Variants in KAZN observed in about 807,000 individuals in gnomAD.
KAZN encodes kazrin.
KAZN carries 40 observed loss-of-function variants against 87.4 expected under a neutral mutation model. The ratio of observed to expected loss-of-function variants is 0.46; its 90% CI spans 0.36 to 0.60. KAZN has a LOEUF of 0.60. KAZN is among the 20% of genes least tolerant of loss of function. The pLI, the probability that KAZN is intolerant of heterozygous loss-of-function variation, is 0.00. For missense variants in KAZN, 898 were observed against 1,073.9 expected (o/e 0.84, Z 2.29); for synonymous variants, 466 against 458.3 (o/e 1.02, Z -0.22).
chr1:14,346,470 G>A (rs1164407026), intron 2 of KAZN, among the ~76,000 whole-genome samples: 1 of 152,166 alleles, frequency 6.6e-6, no homozygotes, highest in Non-Finnish European at 1.5e-5. Flanking sequence ...CCCTGGGAAA[G>A]CTTGGCAAGA....
chr1:14,527,663 C>T (rs1197695493), intron 2 of KAZN, among the ~76,000 whole-genome samples: 3 of 152,034 alleles, frequency 2.0e-5, no homozygotes, highest in African/African-American at 7.2e-5. Flanking sequence ...CAGCTGCTTC[C>T]ACTTATGGTA....
chr1:14,647,388 T>C (rs1357255585), intron 1 of KAZN, among the ~76,000 whole-genome samples: 1 of 152,214 alleles, frequency 6.6e-6, no homozygotes, highest in Admixed American at 6.5e-5. Flanking sequence ...GTAGTTCATA[T>C]CTTTATTTCT....
At chr1:14,590,278 G>A (rs1676114599) in intron 2 of KAZN, among the ~76,000 whole-genome samples, 1 of 152,100 alleles carries the variant, frequency 6.6e-6, no homozygotes, top group Admixed American at 6.6e-5. Context: ...TGGGTCCCCA[G>A]GGCCTGGAAT....
rs548191041 is a variant in KAZN, at chr1:15,021,120, A to G, written c.419-13629A>G. 1.7e-4 allele frequency among the ~76,000 whole-genome samples: 26 copies of G among 152,248 alleles called. No individual in the cohort carries two copies. The highest frequency in any genetic ancestry group is 1.4e-3 in the Admixed American group (22 of 15,302). ...CACCAAAACCCAGAGAGGGTGCCTG[A>G]GTTCCCAAGGCCACACAGCATGCGG... is the stretch of plus-strand genomic sequence containing the variant. On this transcript the variant is annotated intron_variant, in intron 2 of 14. Coordinates refer to ENST00000376030, the MANE Select transcript of KAZN (RefSeq NM_201628.3). This position sits in a 1 kb window ranked among gnomAD's most constrained non-coding sequence, Gnocchi z 4.2.
Position 15,056,544 on chromosome 1 carries a change from CTG to C in KAZN, c.916+266_916+267del, listed in dbSNP as rs3044315. Among the ~76,000 whole-genome samples, 27,524 of 152,152 alleles carry C rather than the reference CTG, an allele frequency of 0.18. 3,214 individuals carry two copies. The highest frequency in any genetic ancestry group is 0.65 in the East Asian group (3,368 of 5,146). On this transcript the variant is annotated intron_variant, in intron 5 of 14. Coordinates refer to ENST00000376030, the MANE Select transcript of KAZN (RefSeq NM_201628.3). This position sits in a 1 kb window ranked among gnomAD's most constrained non-coding sequence, Gnocchi z 5.4. ...ACCTCCTTTTGGCCTCATCTTCAGG[CTG>C]TCTCTTTCAGCAAGAAAGTAAAATA...
chr1:13,922,764 G>T (rs1640114935), intron 1 of KAZN, among the ~76,000 whole-genome samples: 1 of 152,256 alleles, frequency 6.6e-6, no homozygotes, highest in South Asian at 2.1e-4. Context: ...CAGCTTTAGA[G>T]TCAGTGGTGG....
At chr1:13,976,278 G>A (rs1191822507) in intron 1 of KAZN, among the ~76,000 whole-genome samples, 2 of 152,048 alleles carry the variant, frequency 1.3e-5, no homozygotes, top group African/African-American at 2.4e-5. Flanking sequence ...ATGGGAAATC[G>A]ACTAATAAAA....
At chr1:14,436,010 T>C (rs1666363177) in intron 2 of KAZN, among the ~76,000 whole-genome samples, 1 of 152,126 alleles carries the variant, frequency 6.6e-6, no homozygotes, top group Admixed American at 6.5e-5. Flanking sequence ...ATTCTACAGA[T>C]GAAGAAAAGG....
chr1:14,020,306 G>A (rs1211218831), intron 1 of KAZN, among the ~76,000 whole-genome samples: 2 of 152,180 alleles, frequency 1.3e-5, no homozygotes, highest in African/African-American at 4.8e-5. Flanking sequence ...ATGGCTCAGG[G>A]TTTGGGGACC....
intron 13 of KAZN, among the ~76,000 whole-genome samples, chr1:15,109,997 ATGTGTGT>A (rs1463835968): frequency 7.6e-6 from 1 of 132,098 alleles, no homozygotes; most frequent in East Asian, 2.2e-4. Context: ...ATGTGGGTAT[ATGTGTGT>A]TGTGTATGTA....
At chr1:14,965,091 G>A (rs1352960121) in intron 2 of KAZN, among the ~76,000 whole-genome samples, 2 of 151,516 alleles carry the variant, frequency 1.3e-5, no homozygotes, top group African/African-American at 4.9e-5. Flanking sequence ...GAGTACACTG[G>A]TGCAATCTCA....
At chr1:14,831,013 A>G (rs1647034082) in intron 1 of KAZN, among the ~76,000 whole-genome samples, 1 of 152,024 alleles carries the variant, frequency 6.6e-6, no homozygotes, top group African/African-American at 2.4e-5. Context: ...ATCCCATCTG[A>G]TGACCCAGGC....
intron 8 of KAZN, among the ~76,000 whole-genome samples, chr1:15,091,624 G>A (rs937010863): frequency 2.6e-5 from 4 of 152,094 alleles, no homozygotes; most frequent in Admixed American, 6.5e-5. Context: ...GATTACAGGC[G>A]TGAGCCACCG....
intron 1 of KAZN, among the ~76,000 whole-genome samples, chr1:14,027,099 T>G (rs1038902874): frequency 6.6e-6 from 1 of 152,214 alleles, no homozygotes; most frequent in African/African-American, 2.4e-5. Context: ...AGGTAAACAC[T>G]TTATCCAAAG....
At chr1:14,439,252 T>C (rs977059663) in intron 2 of KAZN, among the ~76,000 whole-genome samples, 2 of 152,188 alleles carry the variant, frequency 1.3e-5, no homozygotes, top group Admixed American at 6.5e-5. Flanking sequence ...TTTGTATTTT[T>C]CCATGCTCCC....
intron 1 of KAZN, among the ~76,000 whole-genome samples, chr1:14,682,446 C>A (rs945156878): frequency 1.3e-4 from 19 of 151,974 alleles, no homozygotes; most frequent in Non-Finnish European, 2.4e-4. Context: ...TACCACCATG[C>A]CTGGCTAATT....
chr1:14,254,476 G>A (rs1650326188), intron 2 of KAZN, among the ~76,000 whole-genome samples: 1 of 152,148 alleles, frequency 6.6e-6, no homozygotes, highest in Non-Finnish European at 1.5e-5. Context: ...TTGGATGAAG[G>A]AGCAATAACA....
At chr1:14,346,357 A>T (rs1239860772) in intron 2 of KAZN, among the ~76,000 whole-genome samples, 2 of 152,306 alleles carry the variant, frequency 1.3e-5, no homozygotes, top group East Asian at 3.9e-4. Context: ...GATGAGGATG[A>T]TGACTCATAG....
chr1:13,952,100 G>A (rs72873311), intron 1 of KAZN, among the ~76,000 whole-genome samples: 4,658 of 152,126 alleles, frequency 0.031, 209 homozygotes, highest in African/African-American at 0.11. Context: ...CTTTCTTTTA[G>A]CAGCTTCTTA....
Sources: allele counts gnomAD v4.1 joint callset (sites outside exome capture counted in the v4.1 genomes callset), GRCh38; gene constraint gnomAD v4.1.1; non-coding constraint Gnocchi (gnomAD v3.1); transcripts MANE v1.5; gene names NCBI Gene and HGNC (gene_info 2026-07-23, HGNC 2026-07-21).